Variants in ROCK2 observed in about 807,000 individuals in gnomAD.
ROCK2 encodes Rho associated coiled-coil containing protein kinase 2, also known as rho-associated protein kinase 2.
A neutral mutation model predicts 195.1 loss-of-function variants in ROCK2; 61 were observed. The ratio of observed to expected loss-of-function variants is 0.31; its 90% CI spans 0.25 to 0.39. ROCK2 has a LOEUF of 0.39. Ranked by LOEUF, ROCK2 falls within the 10% of genes least tolerant of loss-of-function variation. The probability of loss-of-function intolerance (pLI) is 1.00; values close to 1 mark genes in which losing one functional copy is unlikely to be tolerated. For synonymous variants in ROCK2, 504 were observed against 545.5 expected (o/e 0.92, Z 1.06); for missense variants, 1,109 against 1,637.4 (o/e 0.68, Z 5.57).
chr2:11,192,359 A>G lies in ROCK2; in HGVS notation c.3952T>C (p.Tyr1318His). The G allele has an allele frequency of 6.2e-7, 1 of 1,601,536 alleles. No homozygotes were observed. The highest frequency in any genetic ancestry group is 8.5e-7 in the Non-Finnish European group (1 of 1,174,732). ...TTCTTTGCCGTTGAAATATCATAAT[A>G]TACTATAAAGAAAAATTAGAAAAAA... ...KEEIIAPCKV[Y>H]YDISTAKNLL... is the part of the protein sequence containing the mutation. The change falls in exon 32 of 33, where the codon TAT becomes CAT. Residue 1318 changes from tyrosine to histidine, a missense_variant and splice_region_variant. This residue lies in a region of ROCK2 where 221 missense variants were observed against 355.1 expected (regional missense o/e 0.62). Transcript: ENST00000315872. The surrounding 1 kb of genome is among the most constrained non-coding windows in gnomAD (Gnocchi z 5.0).
intron 5 of ROCK2, among the ~76,000 whole-genome samples, chr2:11,227,773 T>C (rs1034435188): frequency 6.6e-6 from 1 of 152,076 alleles, no homozygotes; most frequent in African/African-American, 2.4e-5. Flanking sequence ...AAAAGAATCA[T>C]TAGAGAAAGG....
intron 1 of ROCK2, among the ~76,000 whole-genome samples, chr2:11,307,353 C>T (rs1667889196): frequency 6.6e-6 from 1 of 152,188 alleles, no homozygotes; most frequent in Admixed American, 6.5e-5. Context: ...CTCACTCTGT[C>T]ACCAGGCTGG....
intron 18 of ROCK2, among the ~76,000 whole-genome samples, chr2:11,210,679 G>A (rs1346380358): frequency 6.6e-6 from 1 of 152,026 alleles, no homozygotes; most frequent in Non-Finnish European, 1.5e-5. Flanking sequence ...GTAGTTATGT[G>A]AGCATATCAC....
At chr2:11,265,391 G>C (rs951163271) in intron 3 of ROCK2, among the ~76,000 whole-genome samples, 1 of 152,108 alleles carries the variant, frequency 6.6e-6, no homozygotes, top group Non-Finnish European at 1.5e-5. Context: ...TTATTCTACT[G>C]TGAACATATT....
intron 3 of ROCK2, among the ~76,000 whole-genome samples, 164 bp downstream of exon 3, chr2:11,286,375 T>C (rs1667189874): frequency 6.6e-6 from 1 of 151,032 alleles, no homozygotes; most frequent in African/African-American, 2.4e-5. Context: ...AGACCCAGAG[T>C]AGACAACAAA....
At chr2:11,198,432 T>C (rs1377573363) in intron 25 of ROCK2, 59 bp downstream of exon 25, 4 of 1,183,018 alleles carry the variant, frequency 3.4e-6, no homozygotes, top group African/African-American at 1.5e-5. Flanking sequence ...AGAAGTAAAA[T>C]GTAAAAGAGA....
chr2:11,188,614 TTTA>T lies in ROCK2; in HGVS notation c.4163+3531_4163+3533del, dbSNP rs201050109. On this transcript the variant is annotated intron_variant, in intron 32 of 32. Coordinates refer to ENST00000315872, the MANE Select transcript of ROCK2 (RefSeq NM_004850.5). ...ACTGTCAATTAATTTCTAGTCTTAT[TTTA>T]TTTTTATTTTTTTATTTTTATTTTT... 1.2e-3 allele frequency among the ~76,000 whole-genome samples: 134 copies of T among 115,234 alleles called. 1 individual carries two copies. The East Asian group carries it at 0.028, about 24-fold the overall frequency. The allele number at this position is 115,234 out of a possible 152,430, so 75.6% of individuals were successfully genotyped here.
chr2:11,188,141 C>T (rs1311128738), intron 32 of ROCK2, among the ~76,000 whole-genome samples: 1 of 132,876 alleles, frequency 7.5e-6, no homozygotes, highest in Admixed American at 8.3e-5. Flanking sequence ...GACGGAGTCT[C>T]GCTCTGTTGC....
At chr2:11,231,995 G>A (rs1489496863) in intron 5 of ROCK2, among the ~76,000 whole-genome samples, 3 of 152,006 alleles carry the variant, frequency 2.0e-5, no homozygotes, top group Non-Finnish European at 4.4e-5. Flanking sequence ...GCCACACAGG[G>A]TCTCCGTCAC....
chr2:11,314,265 T>C (rs1668124656), intron 1 of ROCK2, among the ~76,000 whole-genome samples: 1 of 151,980 alleles, frequency 6.6e-6, no homozygotes, highest in South Asian at 2.1e-4. Context: ...TTACTATGAA[T>C]GTTTTCTAAT....
chr2:11,221,068 C>A (rs942690826), intron 9 of ROCK2, 130 bp downstream of exon 9: 1 of 571,624 alleles, frequency 1.7e-6, no homozygotes. Context: ...ATTAAGAATT[C>A]TTCTGATGAT....
intron 32 of ROCK2, among the ~76,000 whole-genome samples, 193 bp from the exon 33 acceptor site, chr2:11,183,633 C>A (rs1244306765): frequency 6.6e-6 from 1 of 152,156 alleles, no homozygotes; most frequent in Non-Finnish European, 1.5e-5. Flanking sequence ...CAATTATATT[C>A]TTTCCCAAAA....
chr2:11,191,796 G>C (rs1034768588), intron 32 of ROCK2, among the ~76,000 whole-genome samples: 1 of 152,102 alleles, frequency 6.6e-6, no homozygotes, highest in Non-Finnish European at 1.5e-5. Context: ...AATTTTGAAG[G>C]AAACAACTTA....
chr2:11,189,065 A>C (rs1663317049), intron 32 of ROCK2, among the ~76,000 whole-genome samples: 1 of 152,074 alleles, frequency 6.6e-6, no homozygotes, highest in Non-Finnish European at 1.5e-5. Flanking sequence ...GAAGAGAAAA[A>C]GATGTAATGA....
chr2:11,240,850 A>G (rs1665399893), intron 4 of ROCK2, among the ~76,000 whole-genome samples: 1 of 152,256 alleles, frequency 6.6e-6, no homozygotes, highest in Non-Finnish European at 1.5e-5. Flanking sequence ...TATAGTTATT[A>G]TACCTCAATA....
At chr2:11,291,287 T>C (rs546649331) in intron 1 of ROCK2, among the ~76,000 whole-genome samples, 39 of 152,330 alleles carry the variant, frequency 2.6e-4, no homozygotes, top group Middle Eastern at 6.8e-3. Flanking sequence ...CAGTGGCTCA[T>C]GCCTGTAATC....
intron 1 of ROCK2, among the ~76,000 whole-genome samples, chr2:11,313,277 A>G (rs1235793019): frequency 3.9e-5 from 6 of 152,072 alleles, no homozygotes; most frequent in Admixed American, 1.3e-4. Flanking sequence ...TAAACCTACA[A>G]CTGTTCTAGT....
In ROCK2 at chr2:11,211,691, T is replaced by G; in HGVS notation, c.2193A>C (p.Glu731Asp). 1 of 1,604,044 alleles carries G rather than the reference T, an allele frequency of 6.2e-7. No individual in the cohort carries two copies. The change falls in exon 18 of 33, where the codon GAA (glutamate) becomes GAC (aspartate). Residue 731 changes from glutamate to aspartate, a missense_variant. By Grantham distance (45) the Glu-to-Asp change is conservative. This residue lies in a region of ROCK2 where 542 missense variants were observed against 672.0 expected (regional missense o/e 0.81). Coordinates refer to ENST00000315872, the MANE Select transcript of ROCK2 (RefSeq NM_004850.5). The stretch of plus-strand genomic sequence containing the variant: ...TTAAAAAATGCATACCTTTCATGGC[T>G]TCTGATTTGGCTTCTTCGATGGACT... ...IYESIEEAKS[E>D]AMKEMEKKLL...
intron 1 of ROCK2, among the ~76,000 whole-genome samples, chr2:11,327,849 C>T (rs1668594646): frequency 6.6e-6 from 1 of 152,216 alleles, no homozygotes; most frequent in Non-Finnish European, 1.5e-5. Context: ...AGGTGTGAGC[C>T]ACCAAGCCCG....
Sources: allele counts gnomAD v4.1 joint callset (sites outside exome capture counted in the v4.1 genomes callset), GRCh38; gene constraint gnomAD v4.1.1; regional missense constraint gnomAD v4.1.1; non-coding constraint Gnocchi (gnomAD v3.1); transcripts MANE v1.5; gene names NCBI Gene and HGNC (gene_info 2026-07-23, HGNC 2026-07-21).